The following CHL1 variants were observed in gnomAD, a reference collection of about 807,000 sequenced individuals.
CHL1 encodes neural cell adhesion molecule L1-like protein.
In CHL1, 96 loss-of-function variants were observed where a neutral mutation model predicts 141.9. The ratio of observed to expected loss-of-function variants is 0.68; its 90% CI spans 0.57 to 0.80. The LOEUF (loss-of-function observed/expected upper bound fraction) is 0.80. CHL1 is among the 30% of genes least tolerant of loss of function. The pLI, the probability that CHL1 is intolerant of heterozygous loss-of-function variation, is 0.00. For missense variants in CHL1, 1,820 were observed against 1,457.2 expected (o/e 1.25, Z -4.05); for synonymous variants, 613 against 502.2 (o/e 1.22, Z -2.95).
chr3:379,303 T>G (rs1299025712), intron 16 of CHL1, among the ~76,000 whole-genome samples: 1 of 152,170 alleles, frequency 6.6e-6, no homozygotes, highest in Non-Finnish European at 1.5e-5. Context: ...AAGAACAGTT[T>G]CCACTTACAG....
At chr3:349,112 G>T (rs2125193736) in intron 9 of CHL1, among the ~76,000 whole-genome samples, 1 of 152,304 alleles carries the variant, frequency 6.6e-6, no homozygotes, top group East Asian at 1.9e-4. Flanking sequence ...CCTTGTAATA[G>T]AGGAGAGAGA....
chr3:290,088 C>T (rs1290457930), intron 2 of CHL1, among the ~76,000 whole-genome samples: 17 of 151,924 alleles, frequency 1.1e-4, no homozygotes, highest in South Asian at 2.1e-4. Flanking sequence ...ATGTTATAGC[C>T]TCCTTGTGCT....
intron 2 of CHL1, among the ~76,000 whole-genome samples, chr3:293,465 A>G (rs1358920031): frequency 6.6e-6 from 1 of 152,184 alleles, no homozygotes; most frequent in Non-Finnish European, 1.5e-5. Context: ...AGATCGAGCC[A>G]CTGCACTCCA....
intron 1 of CHL1, among the ~76,000 whole-genome samples, chr3:216,707 A>G (rs111229797): frequency 1.1e-3 from 163 of 152,270 alleles, no homozygotes; most frequent in African/African-American, 3.6e-3. Flanking sequence ...GCCAAAGTGA[A>G]CTCTACATTT....
At chr3:311,112 T>C (rs1699715917) in intron 2 of CHL1, among the ~76,000 whole-genome samples, 1 of 152,220 alleles carries the variant, frequency 6.6e-6, no homozygotes, top group Non-Finnish European at 1.5e-5. Flanking sequence ...AGTTTATTTA[T>C]CCATTTACCT....
At chr3:228,066 C>G in intron 1 of CHL1, among the ~76,000 whole-genome samples, 1 of 152,106 alleles carries the variant, frequency 6.6e-6, no homozygotes, top group South Asian at 2.1e-4. Context: ...TCGATAGAGG[C>G]AAACACTGCC....
At chr3:259,227 T>C (rs925156192) in intron 2 of CHL1, among the ~76,000 whole-genome samples, 66 of 152,204 alleles carry the variant, frequency 4.3e-4, no homozygotes, top group African/African-American at 1.5e-3. Context: ...GGCCTGCAAA[T>C]GTCTTTCTAA....
At chr3:342,209 A>G (rs1335042957) in intron 7 of CHL1, 127 bp downstream of exon 7, 1 of 706,670 alleles carries the variant, frequency 1.4e-6, no homozygotes, top group Non-Finnish European at 2.2e-6. Context: ...AACTCTGGAG[A>G]CTTCTTCCAG....
chr3:272,060 T>A (rs1410622112), intron 2 of CHL1, among the ~76,000 whole-genome samples: 1 of 152,364 alleles, frequency 6.6e-6, no homozygotes, highest in Admixed American at 6.5e-5. Flanking sequence ...AATGTTTTTA[T>A]ATTTCTATTA....
intron 1 of CHL1, among the ~76,000 whole-genome samples, chr3:230,639 A>G (rs965233629): frequency 6.6e-6 from 1 of 152,152 alleles, no homozygotes; most frequent in African/African-American, 2.4e-5. Flanking sequence ...TAGTCTGTAA[A>G]TTAATTTTAT....
intron 5 of CHL1, among the ~76,000 whole-genome samples, chr3:328,918 G>T (rs569399366): frequency 6.6e-6 from 1 of 152,154 alleles, no homozygotes; most frequent in Non-Finnish European, 1.5e-5. Flanking sequence ...GTTTTGTTAG[G>T]TGGGGCAAAG....
chr3:404,767 A>C (rs1197079376), intron 27 of CHL1, among the ~76,000 whole-genome samples: 3 of 152,206 alleles, frequency 2.0e-5, no homozygotes, highest in Non-Finnish European at 4.4e-5. Flanking sequence ...GGAGGCCAGG[A>C]GCTCCAAAAG....
intron 2 of CHL1, among the ~76,000 whole-genome samples, chr3:300,594 G>C (rs555108363): frequency 6.6e-6 from 1 of 152,116 alleles, no homozygotes; most frequent in African/African-American, 2.4e-5. Flanking sequence ...TGCCTATTCT[G>C]TGCAAGGCAA....
intron 2 of CHL1, among the ~76,000 whole-genome samples, chr3:312,032 GA>G (rs1303676520): frequency 6.6e-6 from 1 of 151,840 alleles, no homozygotes; most frequent in Admixed American, 6.6e-5. Flanking sequence ...GTATAGGTGG[GA>G]AAACAAAAAC....
In CHL1 at chr3:377,759, G is replaced by C. The variant is rs1706517276; in HGVS notation, c.1752-59G>C. 5 of 1,421,630 alleles carry C rather than the reference G, an allele frequency of 3.5e-6. No homozygotes were observed. The South Asian group carries it at 3.8e-5, about 11-fold the overall frequency. The allele number at this position is 1,421,630 out of a possible 1,614,324, so 88.1% of individuals were successfully genotyped here. A position where few individuals can be genotyped will look rare whatever the true frequency, so the allele number is the denominator to read the frequency against. ...AGGAATATGCATTTTTAAAAGAATT[G>C]GGTTTCTATCATTTCTATTGTTTTC... On this transcript the variant is annotated intron_variant, in intron 15 of 27. Coordinates refer to ENST00000256509, the MANE Select transcript of CHL1 (RefSeq NM_006614.4).
At chr3:328,837 G>A (rs548628552) in intron 5 of CHL1, among the ~76,000 whole-genome samples, 2 of 152,190 alleles carry the variant, frequency 1.3e-5, no homozygotes, top group African/African-American at 4.8e-5. Context: ...AGTCTGGGAC[G>A]AAACATGAAA....
intron 1 of CHL1, among the ~76,000 whole-genome samples, chr3:203,107 C>A (rs1192799722): frequency 6.6e-6 from 1 of 152,098 alleles, no homozygotes; most frequent in Non-Finnish European, 1.5e-5. Context: ...GACTTTCATC[C>A]TTTTTTTGGT....
chr3:247,042 G>C (rs952244081), intron 2 of CHL1: 8 of 151,594 alleles, frequency 5.3e-5, no homozygotes, highest in Non-Finnish European at 1.5e-5. Flanking sequence ...TTATGTCAAA[G>C]ACATAAAGAG....
At chr3:227,429 A>G (rs375162992) in intron 1 of CHL1, among the ~76,000 whole-genome samples, 312 of 152,164 alleles carry the variant, frequency 2.1e-3, no homozygotes, top group African/African-American at 7.2e-3. Context: ...TGAACAGAAA[A>G]CCTCGTCTTT....
Sources: gnomAD v4.1 joint callset for allele counts (sites outside exome capture counted in the v4.1 genomes callset) on GRCh38, gnomAD v4.1.1 for gene constraint, MANE v1.5 for transcripts, NCBI Gene and HGNC (gene_info 2026-07-23, HGNC 2026-07-21) for gene names.